LYPLAL1: variants seen among roughly 807,000 people sequenced by gnomAD.
The protein encoded by LYPLAL1 is lysophospholipase-like protein 1.
In LYPLAL1, 23 loss-of-function variants were observed where a neutral mutation model predicts 19.7. That is an observed-to-expected ratio of 1.17 (90% CI 0.84 to 1.65). LYPLAL1 has a LOEUF of 1.65. LYPLAL1 is among the 40% of genes most tolerant of loss of function. The pLI is 0.00. For synonymous variants in LYPLAL1, 119 were observed against 96.3 expected, an observed-to-expected ratio of 1.24 and a Z score of -1.38; for missense variants, 355 against 279.4, an observed-to-expected ratio of 1.27 and a Z score of -1.93.
the LYPLAL1 span, among the ~76,000 whole-genome samples, chr1:219,319,685 A>G: frequency 0.014 from 2,161 of 152,282 alleles, 54 homozygotes; most frequent in African/African-American, 0.048. Flanking sequence ...AATTGGAGAA[A>G]GAGGCAAGAG....
At chr1:219,214,732 G>GGTGACAC (rs749575697), downstream of LYPLAL1, among the ~76,000 whole-genome samples, 314 of 132,018 alleles carry the variant, frequency 2.4e-3, 1 homozygote, top group Non-Finnish European at 3.7e-3. Flanking sequence ...TTGTCACCTA[G>GGTGACAC]TCTACTAGAG....
chr1:219,424,424 A>G, the LYPLAL1 span, among the ~76,000 whole-genome samples: 2 of 152,196 alleles, frequency 1.3e-5, no homozygotes, highest in South Asian at 4.1e-4. Flanking sequence ...GAGGACTGAA[A>G]ACCACATCAC....
At chr1:219,350,247 C>A in the LYPLAL1 span, among the ~76,000 whole-genome samples, 1 of 152,062 alleles carries the variant, frequency 6.6e-6, no homozygotes, top group Non-Finnish European at 1.5e-5. Flanking sequence ...CATGCCCTGC[C>A]ACACTGTATA....
the LYPLAL1 span, among the ~76,000 whole-genome samples, chr1:219,232,782 A>T: frequency 6.6e-6 from 1 of 152,122 alleles, no homozygotes; most frequent in Admixed American, 6.6e-5. Flanking sequence ...ATATGAAAAG[A>T]TATTCAACAT....
At chr1:219,206,125 C>T (rs1217906104) in intron 3 of LYPLAL1, among the ~76,000 whole-genome samples, 2 of 152,010 alleles carry the variant, frequency 1.3e-5, no homozygotes, top group Non-Finnish European at 2.9e-5. Flanking sequence ...ATTTTACTTT[C>T]AGATTGATTA....
the LYPLAL1 span, among the ~76,000 whole-genome samples, chr1:219,270,551 C>T: frequency 0.23 from 34,594 of 152,058 alleles, 4,203 homozygotes; most frequent in African/African-American, 0.29. Context: ...GGGTTCTCTA[C>T]ACGGCTGGCG....
the LYPLAL1 span, among the ~76,000 whole-genome samples, chr1:219,273,638 G>C: frequency 2.0e-5 from 3 of 152,144 alleles, no homozygotes; most frequent in Non-Finnish European, 4.4e-5. Flanking sequence ...CTGAACTTCT[G>C]TTCCAACGTA....
the LYPLAL1 span, among the ~76,000 whole-genome samples, chr1:219,441,964 A>G: frequency 1.3e-5 from 2 of 152,194 alleles, no homozygotes; most frequent in Non-Finnish European, 2.9e-5. Context: ...TTCCAAAAAT[A>G]CAGAAAATAA....
chr1:219,407,905 A>G, the LYPLAL1 span, among the ~76,000 whole-genome samples: 3 of 152,198 alleles, frequency 2.0e-5, no homozygotes, highest in Non-Finnish European at 4.4e-5. Context: ...CATGGCAGAA[A>G]CAGGATGAGA....
chr1:219,350,133 G>C, the LYPLAL1 span, among the ~76,000 whole-genome samples: 1 of 152,200 alleles, frequency 6.6e-6, no homozygotes, highest in African/African-American at 2.4e-5. Flanking sequence ...GATGGATAGA[G>C]TGAAGAATTT....
the LYPLAL1 span, among the ~76,000 whole-genome samples, chr1:219,330,181 C>A: frequency 2.6e-5 from 4 of 152,208 alleles, no homozygotes; most frequent in African/African-American, 9.6e-5. Context: ...TTTTAAGTAA[C>A]CACTTTAAAG....
chr1:219,261,744 T>C, the LYPLAL1 span, among the ~76,000 whole-genome samples: 2 of 152,230 alleles, frequency 1.3e-5, no homozygotes, highest in Non-Finnish European at 2.9e-5. Context: ...GCTGTTAATC[T>C]GATAGGTTTT....
At chr1:219,190,574 A>AT (rs905844034) in intron 2 of LYPLAL1, among the ~76,000 whole-genome samples, 4 of 126,482 alleles carry the variant, frequency 3.2e-5, no homozygotes, top group African/African-American at 6.0e-5. Flanking sequence ...AGAAATTTAA[A>AT]TTTTTTTTTA....
At chr1:219,239,852 G>T in the LYPLAL1 span, among the ~76,000 whole-genome samples, 2 of 152,130 alleles carry the variant, frequency 1.3e-5, no homozygotes, top group South Asian at 4.1e-4. Flanking sequence ...CTGTTCAGTT[G>T]CTCATTTTTA....
At chr1:219,179,288 C>A in intron 2 of LYPLAL1, 42 bp downstream of exon 2, 4 of 1,379,166 alleles carry the variant, frequency 2.9e-6, no homozygotes, top group Non-Finnish European at 4.1e-6. Context: ...AACTCTGTGG[C>A]ATAAAATATA....
chr1:219,203,393 A>C (rs1209814905), intron 3 of LYPLAL1, among the ~76,000 whole-genome samples: 2 of 152,214 alleles, frequency 1.3e-5, no homozygotes. Context: ...TTTTATTTTC[A>C]AATTGTCAAT....
the LYPLAL1 span, among the ~76,000 whole-genome samples, chr1:219,417,592 A>G: frequency 6.6e-6 from 1 of 152,226 alleles, no homozygotes; most frequent in African/African-American, 2.4e-5. Context: ...TTTTTTCTAA[A>G]TAAATGTGAA....
chr1:219,236,699 C>A, the LYPLAL1 span, among the ~76,000 whole-genome samples: 1 of 152,198 alleles, frequency 6.6e-6, no homozygotes, highest in East Asian at 1.9e-4. Context: ...TCTACTTGAA[C>A]TTTTTATGAA....
chr1:219,187,093 GT>G (rs1376926125), intron 2 of LYPLAL1, among the ~76,000 whole-genome samples: 1 of 149,470 alleles, frequency 6.7e-6, no homozygotes, highest in East Asian at 2.0e-4. Context: ...GTATGTTATA[GT>G]TTTCATATGT....
Sources: allele counts gnomAD v4.1 joint callset (sites outside exome capture counted in the v4.1 genomes callset), GRCh38; gene constraint gnomAD v4.1.1; transcripts MANE v1.5; gene names NCBI Gene and HGNC (gene_info 2026-07-23, HGNC 2026-07-21).